Variants in TMEM170A observed in about 807,000 individuals in gnomAD.
The protein encoded by TMEM170A is transmembrane protein 170A.
A neutral mutation model predicts 12.8 loss-of-function variants in TMEM170A; 18 were observed. The observed-to-expected ratio is 1.41, with a 90% confidence interval of 0.97 to 2.09. TMEM170A has a LOEUF of 2.09. TMEM170A is among the 30% of genes most tolerant of loss of function. TMEM170A has a pLI of 0.00. For missense variants in TMEM170A, 220 were observed against 179.9 expected, an observed-to-expected ratio of 1.22 and a Z score of -1.28; for synonymous variants, 107 against 76.2, an observed-to-expected ratio of 1.40 and a Z score of -2.11.
At chr16:75,451,995 G>C (rs776639610) in intron 1 of TMEM170A, among the ~76,000 whole-genome samples, 156 bp from the exon 2 acceptor site, 1 of 151,076 alleles carries the variant, frequency 6.6e-6, no homozygotes, top group Non-Finnish European at 1.5e-5. Flanking sequence ...TTTTTGAGAC[G>C]GAGTCTCGCT....
intron 2 of TMEM170A, 50 bp from the exon 3 acceptor site, chr16:75,447,738 C>G: frequency 2.6e-6 from 4 of 1,550,350 alleles, no homozygotes; most frequent in African/African-American, 2.8e-5. Flanking sequence ...CGAAGGTTAA[C>G]AAACTCACGA....
At chr16:75,450,163 A>G in intron 2 of TMEM170A, among the ~76,000 whole-genome samples, 1 of 142,900 alleles carries the variant, frequency 7.0e-6, no homozygotes, top group South Asian at 2.3e-4. Context: ...ACACAGAGAA[A>G]CTAGGCCACT....
Position 75,451,677 on chromosome 16 carries a change from A to T in TMEM170A, c.296T>A (p.Ile99Asn), listed in dbSNP as rs771694377. 3 of 1,614,228 alleles carry T rather than the reference A, an allele frequency of 1.9e-6. No individual in the cohort carries two copies. The highest frequency in any genetic ancestry group is 3.3e-5 in the Admixed American group (2 of 60,024). The change falls in exon 2 of 3, where the codon ATC becomes AAC. Residue 99 changes from isoleucine (I) to asparagine (N), a missense_variant. Transcript: ENST00000561878. Reference sequence around the variant, plus strand: ...TTTAATGTCTAACATACTTGTCAAGATTCCAGCAGTAATTGGTCCCACGAT... The same window carrying T: ...TTTAATGTCTAACATACTTGTCAAGTTTCCAGCAGTAATTGGTCCCACGAT... The part of the protein sequence containing the change: ...MGIVGPITAG[I>N]LTSAAIAGVY...
intron 1 of TMEM170A, 30 bp downstream of exon 1, chr16:75,464,438 C>A: frequency 7.1e-7 from 1 of 1,411,952 alleles, no homozygotes; most frequent in Non-Finnish European, 9.2e-7. Flanking sequence ...CGGCGGGGCG[C>A]GCAGTGCGCA....
intron 1 of TMEM170A, chr16:75,464,223 C>G (rs2079956439): frequency 1.3e-6 from 2 of 1,504,072 alleles, no homozygotes; most frequent in East Asian, 2.8e-5. Context: ...CCTCCAGCCC[C>G]GGGCCCACCT....
At chr16:75,451,345 T>G in intron 2 of TMEM170A, 1 of 409,138 alleles carries the variant, frequency 2.4e-6, no homozygotes, top group Non-Finnish European at 4.4e-6. Flanking sequence ...AGCTCAGGAG[T>G]TCGAGACCCG....
At chr16:75,450,180 CAAAAAAAAA>C (rs34044750) in intron 2 of TMEM170A, among the ~76,000 whole-genome samples, 1 of 116,284 alleles carries the variant, frequency 8.6e-6, no homozygotes, top group Non-Finnish European at 1.8e-5. Flanking sequence ...CACTTTCTCT[CAAAAAAAAA>C]AAAAAAAAAC....
chr16:75,460,184 C>G (rs917806552), intron 1 of TMEM170A, among the ~76,000 whole-genome samples: 2 of 151,876 alleles, frequency 1.3e-5, no homozygotes, highest in African/African-American at 4.9e-5. Context: ...CATCTACTCT[C>G]CATGCAAAGC....
At chr16:75,463,758 C>G (rs1382120757) in intron 1 of TMEM170A, among the ~76,000 whole-genome samples, 1 of 152,230 alleles carries the variant, frequency 6.6e-6, no homozygotes, top group African/African-American at 2.4e-5. Context: ...CTCCAGCTTT[C>G]AGGGCACGGA....
chr16:75,451,909 A>C, intron 1 of TMEM170A, 70 bp from the exon 2 acceptor site: 1 of 1,299,092 alleles, frequency 7.7e-7, no homozygotes, highest in Non-Finnish European at 1.1e-6. Context: ...GAGGGTACTC[A>C]TCATACCCGT....
chr16:75,460,932 G>A lies in TMEM170A; in HGVS notation c.133+3536C>T, dbSNP rs548199486. Among the ~76,000 whole-genome samples, 9 of 152,230 alleles carry A rather than the reference G, an allele frequency of 5.9e-5. No individual in the cohort carries two copies. In the South Asian group the frequency reaches 1.7e-3, roughly 28 times the overall value. On this transcript the variant is annotated intron_variant, in intron 1 of 2. Transcript: ENST00000561878. ...TGATTTAGTGAAATCTGTATCTTCT[G>A]AAGATGAATGTCATTCTTGATACAA...
At chr16:75,464,392 C>A in intron 1 of TMEM170A, 76 bp downstream of exon 1, 1 of 1,382,064 alleles carries the variant, frequency 7.2e-7, no homozygotes, top group East Asian at 3.1e-5. Flanking sequence ...CGGGACCCCG[C>A]CCAGACTCGG....
At chr16:75,460,659 A>T in intron 1 of TMEM170A, among the ~76,000 whole-genome samples, 1 of 152,002 alleles carries the variant, frequency 6.6e-6, no homozygotes, top group East Asian at 1.9e-4. Flanking sequence ...CAGGCCCCTC[A>T]CCACCAGCTG....
chr16:75,459,918 C>T (rs1567704146), intron 1 of TMEM170A: 2 of 152,388 alleles, frequency 1.3e-5, no homozygotes, highest in East Asian at 3.9e-4. Flanking sequence ...TATCTTGATA[C>T]TAATCACCCA....
At position 75,446,687 on chromosome 16, in the gene TMEM170A, A is replaced by C. The variant is rs539491405; in HGVS notation, c.*871T>G. ...AGTCACTAAGAAAAACTATGACAGA[A>C]TGCCTAAAGTATCTTATGTGTGCCT... On this transcript the variant is annotated 3_prime_UTR_variant, in exon 3 of 3. Transcript: ENST00000561878. The C allele has an allele frequency of 1.3e-5, 2 of 152,344 alleles. No homozygotes were observed. Among genetic ancestry groups the C allele is most frequent in the African/African-American group, 4.8e-5 (2 of 41,590 alleles). The allele number at this position is 152,344 out of a possible 1,614,324, so 9.4% of individuals were successfully genotyped here.
intron 2 of TMEM170A, among the ~76,000 whole-genome samples, chr16:75,450,664 CTTTT>C (rs34424243): frequency 9.9e-5 from 15 of 151,390 alleles, no homozygotes; most frequent in Non-Finnish European, 1.8e-4. Context: ...AGCAAGAATT[CTTTT>C]TTTTTCCCCC....
chr16:75,464,233 T>C, intron 1 of TMEM170A: 2 of 1,503,180 alleles, frequency 1.3e-6, no homozygotes, highest in Admixed American at 2.1e-5. Flanking sequence ...CGGGCCCACC[T>C]GCGGCCGCTC....
intron 1 of TMEM170A, among the ~76,000 whole-genome samples, chr16:75,457,318 G>C (rs1490021045): frequency 1.3e-5 from 2 of 152,208 alleles, no homozygotes; most frequent in Non-Finnish European, 2.9e-5. Flanking sequence ...AGGAAAGCAG[G>C]TTGGAACACA....
chr16:75,453,140 G>A (rs548322954), intron 1 of TMEM170A, among the ~76,000 whole-genome samples: 3 of 152,110 alleles, frequency 2.0e-5, no homozygotes, highest in Admixed American at 2.0e-4. Flanking sequence ...CCTAAATAAT[G>A]TCCCCGACCA....
Sources: gnomAD v4.1 joint callset for allele counts (sites outside exome capture counted in the v4.1 genomes callset) on GRCh38, gnomAD v4.1.1 for gene constraint, MANE v1.5 for transcripts, NCBI Gene and HGNC (gene_info 2026-07-23, HGNC 2026-07-21) for gene names.